Variants in HYDIN observed in about 807,000 individuals in gnomAD.
HYDIN encodes axonemal central pair apparatus protein HYDIN.
In HYDIN, 132 loss-of-function variants were observed where a neutral mutation model predicts 403.9. That is an observed-to-expected ratio of 0.33 (90% confidence interval 0.28 to 0.38). HYDIN has a LOEUF of 0.38. Ranked by LOEUF, HYDIN falls within the 10% of genes least tolerant of loss-of-function variation. The probability of loss-of-function intolerance (pLI) is 1.00; values close to 1 mark genes in which losing one functional copy is unlikely to be tolerated. For missense variants in HYDIN, 2,827 were observed against 5,009.5 expected (o/e 0.56, Z 13.15); for synonymous variants, 1,202 against 1,891.7 (o/e 0.64, Z 9.46).
At chr16:71,072,673 G>T (rs1490528418) in intron 13 of HYDIN, among the ~76,000 whole-genome samples, 1 of 152,068 alleles carries the variant, frequency 6.6e-6, no homozygotes, top group Non-Finnish European at 1.5e-5. Flanking sequence ...CATCAGATAT[G>T]ATTAGCTCCC....
chr16:71,201,731 T>C (rs1463922528), intron 1 of HYDIN, among the ~76,000 whole-genome samples: 2 of 152,224 alleles, frequency 1.3e-5, no homozygotes, highest in South Asian at 2.1e-4. Flanking sequence ...ATGACAGCAG[T>C]GCCAACAGAC....
intron 67 of HYDIN, among the ~76,000 whole-genome samples, chr16:70,864,786 G>T (rs1341590436): frequency 6.6e-6 from 1 of 152,140 alleles, no homozygotes; most frequent in Admixed American, 6.6e-5. Context: ...CTTTTGTAAA[G>T]GGCCAGATAG....
At chr16:70,898,664 C>G (rs4985433) in intron 53 of HYDIN, among the ~76,000 whole-genome samples, 9,257 of 152,016 alleles carry the variant, frequency 0.061, 319 homozygotes, top group Middle Eastern at 0.075. Context: ...CTGCTTTAAG[C>G]GGTAGTGGTA....
intron 10 of HYDIN, among the ~76,000 whole-genome samples, chr16:71,098,144 C>T (rs1176437090): frequency 6.6e-6 from 1 of 151,930 alleles, no homozygotes; most frequent in African/African-American, 2.4e-5. Flanking sequence ...AAAAGAGGGT[C>T]CTCTAAAGAT....
intron 1 of HYDIN, among the ~76,000 whole-genome samples, chr16:71,226,911 T>G (rs2041057652): frequency 6.6e-6 from 1 of 152,136 alleles, no homozygotes; most frequent in South Asian, 2.1e-4. Context: ...GTGAGACAAT[T>G]TGAGACTATC....
intron 8 of HYDIN, among the ~76,000 whole-genome samples, chr16:71,130,125 A>G (rs1031144774): frequency 2.6e-5 from 4 of 152,236 alleles, no homozygotes; most frequent in African/African-American, 9.6e-5. Flanking sequence ...CTTTCAGGTA[A>G]TCCTGTTTTC....
At position 71,034,002 on chromosome 16, in the gene HYDIN, A is replaced by G. The variant is rs2081003512; in HGVS notation, c.2530-2085T>C. On this transcript the variant is annotated intron_variant, in intron 18 of 85. Transcript: ENST00000393567. Reference sequence around the variant, plus strand: ...TTCCAGGATAATAACGGAGAGGAAAAGCCACACTCTCCAGTTCATCAGAAA... The same window carrying G: ...TTCCAGGATAATAACGGAGAGGAAAGGCCACACTCTCCAGTTCATCAGAAA... Among the ~76,000 whole-genome samples, 3 of 152,106 alleles carry G rather than the reference A, an allele frequency of 2.0e-5. No homozygotes were observed. The South Asian group carries it at 6.2e-4, about 32-fold the overall frequency.
chr16:70,841,342 T>C lies in HYDIN; in HGVS notation c.12874-1109A>G, dbSNP rs1210850536. 4.6e-5 allele frequency among the ~76,000 whole-genome samples: 7 copies of C among 152,230 alleles called. No individual in the cohort carries two copies. The East Asian group carries it at 1.4e-3, about 29-fold the overall frequency. ...TGTAACATGTTACGTTTCTGTTTGCTCTAAGAAATGTAAGTTCTGAAAAAG... is the reference window on the plus strand; with the variant it reads ...TGTAACATGTTACGTTTCTGTTTGCCCTAAGAAATGTAAGTTCTGAAAAAG... On this transcript the variant is annotated intron_variant, in intron 75 of 85. Coordinates refer to ENST00000393567, the MANE Select transcript of HYDIN (RefSeq NM_001270974.2).
At chr16:71,115,556 C>T (rs1007245726) in intron 10 of HYDIN, 140 bp downstream of exon 10, 5 of 541,946 alleles carry the variant, frequency 9.2e-6, no homozygotes, top group Non-Finnish European at 1.3e-5. Flanking sequence ...CATAATTCCC[C>T]TAATCAATAT....
At chr16:71,024,247 T>C (rs1008173726) in intron 21 of HYDIN, among the ~76,000 whole-genome samples, 3 of 152,220 alleles carry the variant, frequency 2.0e-5, no homozygotes, top group African/African-American at 7.2e-5. Flanking sequence ...AGATGGACTT[T>C]TGCCATCCTT....
At chr16:71,215,403 T>C (rs2088826765) in intron 1 of HYDIN, among the ~76,000 whole-genome samples, 1 of 152,088 alleles carries the variant, frequency 6.6e-6, no homozygotes, top group Non-Finnish European at 1.5e-5. Flanking sequence ...GATGAATGAA[T>C]GTACAAGAAA....
intron 23 of HYDIN, among the ~76,000 whole-genome samples, chr16:71,012,613 T>C (rs1247788376): frequency 2.0e-5 from 3 of 152,330 alleles, no homozygotes; most frequent in Non-Finnish European, 2.9e-5. Context: ...GTACATGTGT[T>C]GTGAAGGAAC....
intron 11 of HYDIN, among the ~76,000 whole-genome samples, chr16:71,089,827 G>A (rs1305527862): frequency 1.5e-4 from 23 of 150,802 alleles, no homozygotes; most frequent in African/African-American, 5.6e-4. Flanking sequence ...GGGAGGTACT[G>A]TGGAGGAGAC....
intron 28 of HYDIN, among the ~76,000 whole-genome samples, chr16:70,982,293 T>TAGG (rs1555603553): frequency 1.3e-5 from 2 of 151,238 alleles, no homozygotes; most frequent in Admixed American, 6.6e-5. Flanking sequence ...TCAAAAACCT[T>TAGG]AGAGTGATCT....
intron 1 of HYDIN, among the ~76,000 whole-genome samples, chr16:71,189,711 G>GAGCC (rs1231891526): frequency 3.5e-4 from 52 of 149,482 alleles, no homozygotes; most frequent in Admixed American, 4.7e-4. Flanking sequence ...AGGTTGCAGT[G>GAGCC]AGCCGTGATG....
At chr16:71,189,132 C>T (rs959163140) in intron 1 of HYDIN, among the ~76,000 whole-genome samples, 4 of 152,124 alleles carry the variant, frequency 2.6e-5, no homozygotes, top group Non-Finnish European at 5.9e-5. Context: ...GTTACATATG[C>T]ATGTACATCT....
At chr16:71,043,740 T>C (rs547020667) in intron 18 of HYDIN, among the ~76,000 whole-genome samples, 1 of 152,220 alleles carries the variant, frequency 6.6e-6, no homozygotes, top group South Asian at 2.1e-4. Flanking sequence ...TTGGTTTCTT[T>C]CTTCTGCATT....
chr16:70,865,205 T>G (rs1442836297), intron 67 of HYDIN: 2 of 376,876 alleles, frequency 5.3e-6, no homozygotes, highest in African/African-American at 2.1e-5. Context: ...CTACCCCCAT[T>G]CTCACTTCTT....
At chr16:70,830,680 A>G (rs2036918447) in intron 80 of HYDIN, among the ~76,000 whole-genome samples, 1 of 150,978 alleles carries the variant, frequency 6.6e-6, no homozygotes, top group Non-Finnish European at 1.5e-5. Context: ...TACTTGGAAG[A>G]GCCAATAGCA....
Sources: allele counts gnomAD v4.1 joint callset (sites outside exome capture counted in the v4.1 genomes callset), GRCh38; gene constraint gnomAD v4.1.1; transcripts MANE v1.5; gene names NCBI Gene and HGNC (gene_info 2026-07-23, HGNC 2026-07-21).